The following AOPEP variants were observed in gnomAD, a reference collection of about 807,000 sequenced individuals.
The protein encoded by AOPEP is aminopeptidase O (putative).
Under a neutral mutation model 98.1 loss-of-function variants are expected in AOPEP, and 77 were observed. The observed-to-expected ratio is 0.78, with a 90% CI of 0.65 to 0.95. The LOEUF (loss-of-function observed/expected upper bound fraction) is 0.95. AOPEP is among the 40% of genes least tolerant of loss of function. The probability of loss-of-function intolerance (pLI) is 0.00; values close to 1 mark genes in which losing one functional copy is unlikely to be tolerated. For missense variants in AOPEP, 1,024 were observed against 1,024.7 expected, an observed-to-expected ratio of 1.00 and a Z score of 0.01; for synonymous variants, 346 against 365.3, an observed-to-expected ratio of 0.95 and a Z score of 0.60.
chr9:95,107,381 C>T, the AOPEP span: 1 of 1,168,022 alleles, frequency 8.6e-7, no homozygotes, highest in South Asian at 1.3e-5. Flanking sequence ...AGCACTGGCC[C>T]CTGAGAGAGG....
At chr9:94,788,870 T>C (rs539733811) in intron 3 of AOPEP, among the ~76,000 whole-genome samples, 1 of 152,364 alleles carries the variant, frequency 6.6e-6, no homozygotes, top group South Asian at 2.1e-4. Flanking sequence ...CTCCCTTTAG[T>C]CTTTCTAGAA....
intron 11 of AOPEP, among the ~76,000 whole-genome samples, chr9:94,999,093 T>A (rs1008018509): frequency 6.6e-6 from 1 of 151,954 alleles, no homozygotes; most frequent in Non-Finnish European, 1.5e-5. Flanking sequence ...ACCATAAGAT[T>A]TTCCCAGATC....
intron 5 of AOPEP, among the ~76,000 whole-genome samples, chr9:94,828,405 G>A (rs1314938405): frequency 6.6e-6 from 1 of 152,190 alleles, no homozygotes; most frequent in African/African-American, 2.4e-5. Context: ...TGTGTAAGGT[G>A]TGAGGAGGGG....
the AOPEP span, among the ~76,000 whole-genome samples, chr9:95,093,153 C>CT: frequency 0.034 from 5,202 of 152,160 alleles, 248 homozygotes; most frequent in African/African-American, 0.11. Flanking sequence ...AAGTTAAAAG[C>CT]GTGGAGGAAG....
the AOPEP span, among the ~76,000 whole-genome samples, chr9:95,143,965 A>G: frequency 6.6e-6 from 1 of 152,270 alleles, no homozygotes; most frequent in Non-Finnish European, 1.5e-5. Flanking sequence ...TGCTGAAAAT[A>G]TATGACTGCA....
At chr9:94,903,905 A>AG (rs1428653381) in intron 5 of AOPEP, among the ~76,000 whole-genome samples, 8 of 150,950 alleles carry the variant, frequency 5.3e-5, no homozygotes, top group African/African-American at 2.0e-4. Flanking sequence ...AAAAAAAAAA[A>AG]AAAAAAAGTT....
intron 1 of AOPEP, among the ~76,000 whole-genome samples, chr9:94,741,286 T>G (rs940568036): frequency 9.8e-5 from 14 of 142,740 alleles, no homozygotes; most frequent in African/African-American, 3.9e-4. Context: ...TTTTTTTATT[T>G]TTTTGAGATG....
At chr9:94,798,204 G>T (rs72746527) in intron 4 of AOPEP, among the ~76,000 whole-genome samples, 3 of 152,274 alleles carry the variant, frequency 2.0e-5, no homozygotes, top group South Asian at 2.1e-4. Flanking sequence ...TGCCATTTCT[G>T]TGTCCATTTC....
intron 13 of AOPEP, among the ~76,000 whole-genome samples, chr9:95,045,195 C>G (rs959399934): frequency 1.3e-4 from 20 of 152,230 alleles, no homozygotes; most frequent in African/African-American, 4.8e-4. Context: ...TGCGAAATCA[C>G]TGTGCTTGGA....
the AOPEP span, chr9:95,101,108 T>C: frequency 4.2e-6 from 1 of 239,510 alleles, no homozygotes; most frequent in East Asian, 5.9e-5. Context: ...AAATACAGAG[T>C]GGAAAGAGTG....
chr9:94,935,923 A>G (rs976572587), intron 7 of AOPEP, among the ~76,000 whole-genome samples: 1 of 152,172 alleles, frequency 6.6e-6, no homozygotes, highest in Admixed American at 6.5e-5. Context: ...CTGGTGGCAC[A>G]GGTCCACCCA....
chr9:94,847,842 T>C (rs1225391842), intron 5 of AOPEP, among the ~76,000 whole-genome samples: 1 of 152,192 alleles, frequency 6.6e-6, no homozygotes, highest in Non-Finnish European at 1.5e-5. Context: ...TCACTGCTCA[T>C]AGCACCCAGA....
intron 2 of AOPEP, among the ~76,000 whole-genome samples, chr9:94,772,052 T>A (rs1564104891): frequency 6.6e-6 from 1 of 152,236 alleles, no homozygotes; most frequent in South Asian, 2.1e-4. Context: ...ATTATAATGA[T>A]GTTAATGAAA....
intron 6 of AOPEP, among the ~76,000 whole-genome samples, chr9:94,924,921 T>C (rs1388207139): frequency 6.6e-6 from 1 of 152,244 alleles, no homozygotes; most frequent in East Asian, 1.9e-4. Flanking sequence ...CCTTAAAGCA[T>C]TGGCCACCAG....
At chr9:94,966,894 A>G (rs1321188337) in intron 9 of AOPEP, among the ~76,000 whole-genome samples, 1 of 152,216 alleles carries the variant, frequency 6.6e-6, no homozygotes, top group East Asian at 1.9e-4. Context: ...ATAAACGAAC[A>G]TTCATATTCG....
chr9:94,987,331 G>A (rs1477514111), intron 11 of AOPEP, among the ~76,000 whole-genome samples: 1 of 152,260 alleles, frequency 6.6e-6, no homozygotes, highest in Non-Finnish European at 1.5e-5. Context: ...AGGACAGGCA[G>A]GTAGAGCATG....
chr9:94,970,382 G>T (rs2059461260), intron 10 of AOPEP, among the ~76,000 whole-genome samples: 1 of 151,846 alleles, frequency 6.6e-6, no homozygotes, highest in Non-Finnish European at 1.5e-5. Context: ...ACACCCAACT[G>T]TGCTATCAAA....
At chr9:94,846,307 T>C (rs10733756) in intron 5 of AOPEP, among the ~76,000 whole-genome samples, 145,996 of 152,178 alleles carry the variant, frequency 0.96, 70,073 homozygotes, top group African/African-American at 0.99. Context: ...TATCAGCTGC[T>C]GAGAAGTGGA....
intron 7 of AOPEP, among the ~76,000 whole-genome samples, chr9:94,929,416 G>A (rs943917360): frequency 3.9e-5 from 6 of 152,208 alleles, no homozygotes; most frequent in Admixed American, 2.6e-4. Flanking sequence ...GAAGCCTAAC[G>A]CAAATGCACC....
Sources: allele counts gnomAD v4.1 joint callset (sites outside exome capture counted in the v4.1 genomes callset), GRCh38; gene constraint gnomAD v4.1.1; transcripts MANE v1.5; gene names NCBI Gene and HGNC (gene_info 2026-07-23, HGNC 2026-07-21).